Variants in PLCL2 observed in about 807,000 individuals in gnomAD.
The protein encoded by PLCL2 is phospholipase C like 2.
In PLCL2, 4 loss-of-function variants were observed where a neutral mutation model predicts 79.6. The observed-to-expected ratio is 0.05, with a 90% CI of 0.02 to 0.11. The LOEUF (loss-of-function observed/expected upper bound fraction) is 0.11. Ranked by LOEUF, PLCL2 falls within the 10% of genes least tolerant of loss-of-function variation. PLCL2 has a pLI of 1.00. For missense variants in PLCL2, 895 were observed against 1,291.0 expected, an observed-to-expected ratio of 0.69 and a Z score of 4.70; for synonymous variants, 484 against 457.7, an observed-to-expected ratio of 1.06 and a Z score of -0.73.
intron 1 of PLCL2, among the ~76,000 whole-genome samples, chr3:16,922,041 A>G (rs1697135491): frequency 6.6e-6 from 1 of 152,196 alleles, no homozygotes; most frequent in Non-Finnish European, 1.5e-5. Context: ...AACAAAAGCT[A>G]TTTTTAATCT....
chr3:17,029,013 AC>A (rs1173091719), intron 3 of PLCL2, among the ~76,000 whole-genome samples: 1 of 152,050 alleles, frequency 6.6e-6, no homozygotes, highest in African/African-American at 2.4e-5. Flanking sequence ...ATTTCCATGC[AC>A]ACAAAATGCC....
chr3:16,964,019 A>G (rs1012568686), intron 1 of PLCL2, among the ~76,000 whole-genome samples: 1 of 152,022 alleles, frequency 6.6e-6, no homozygotes, highest in African/African-American at 2.4e-5. Context: ...TTAGCAAATT[A>G]TTATTATTAT....
chr3:16,972,849 A>G (rs2063887569), intron 1 of PLCL2, among the ~76,000 whole-genome samples: 1 of 151,872 alleles, frequency 6.6e-6, no homozygotes, highest in African/African-American at 2.4e-5. Flanking sequence ...ATTTTTCTCC[A>G]TCTGTTTACT....
intron 3 of PLCL2, among the ~76,000 whole-genome samples, chr3:17,022,575 C>T (rs2064467864): frequency 6.6e-6 from 1 of 152,178 alleles, no homozygotes; most frequent in African/African-American, 2.4e-5. Flanking sequence ...ATAATATACA[C>T]AGTTCTTTTG....
chr3:16,975,622 A>G (rs2063917606), intron 1 of PLCL2, among the ~76,000 whole-genome samples: 1 of 152,002 alleles, frequency 6.6e-6, no homozygotes, highest in African/African-American at 2.4e-5. Flanking sequence ...CCCATACTGG[A>G]ATTATACCAT....
At chr3:17,023,325 G>A (rs892800482) in intron 3 of PLCL2, among the ~76,000 whole-genome samples, 5 of 152,108 alleles carry the variant, frequency 3.3e-5, no homozygotes, top group African/African-American at 4.8e-5. Flanking sequence ...TGTGATCTAC[G>A]GGTTGTTTCC....
At chr3:17,075,571 A>G (rs531935163) in intron 5 of PLCL2, among the ~76,000 whole-genome samples, 4 of 148,884 alleles carry the variant, frequency 2.7e-5, no homozygotes, top group African/African-American at 7.5e-5. Flanking sequence ...AAAATGCAGT[A>G]TCTGTGAAGT....
At chr3:16,898,459 C>G (rs1430249078) in intron 1 of PLCL2, among the ~76,000 whole-genome samples, 1 of 152,122 alleles carries the variant, frequency 6.6e-6, no homozygotes, top group Non-Finnish European at 1.5e-5. Context: ...TTAAATAGCC[C>G]TTTTGTCCTA....
intron 1 of PLCL2, among the ~76,000 whole-genome samples, chr3:16,922,743 A>C (rs1346913734): frequency 6.8e-6 from 1 of 147,454 alleles, no homozygotes; most frequent in Admixed American, 6.7e-5. Flanking sequence ...TTAAGAAAAA[A>C]TATATTAAGA....
Position 17,009,638 on chromosome 3 carries a change from A to G in PLCL2, c.328-36A>G, listed in dbSNP as rs749955181. On this transcript the variant is annotated intron_variant, in intron 1 of 5. Coordinates refer to ENST00000615277, the MANE Select transcript of PLCL2 (RefSeq NM_001144382.2). The surrounding 1 kb of genome is among the most constrained non-coding windows in gnomAD (Gnocchi z 4.0). ...ATCTTGAACATAGAAACCTATATTTATGTTATTCTAATATACGGTCTTTTT... is the reference window on the plus strand; with the variant it reads ...ATCTTGAACATAGAAACCTATATTTGTGTTATTCTAATATACGGTCTTTTT... The G allele has an allele frequency of 3.2e-5, 35 of 1,093,642 alleles. No individual in the cohort carries two copies. The highest frequency in any genetic ancestry group is 5.2e-5 in the South Asian group (3 of 57,692). The allele number at this position is 1,093,642 out of a possible 1,614,324, so 67.7% of individuals were successfully genotyped here.
intron 1 of PLCL2, among the ~76,000 whole-genome samples, chr3:16,953,521 A>T (rs2124961383): frequency 6.6e-6 from 1 of 152,268 alleles, no homozygotes; most frequent in African/African-American, 2.4e-5. Context: ...CTTGTTCTCT[A>T]AAAATCTCTT....
At chr3:17,071,368 G>T (rs2065059074) in intron 5 of PLCL2, among the ~76,000 whole-genome samples, 2 of 151,952 alleles carry the variant, frequency 1.3e-5, no homozygotes, top group South Asian at 4.2e-4. Context: ...GAACAAAGAA[G>T]AAATAAAGTC....
chr3:16,925,147 T>C (rs1056981427), intron 1 of PLCL2, among the ~76,000 whole-genome samples: 1 of 151,692 alleles, frequency 6.6e-6, no homozygotes, highest in Admixed American at 6.6e-5. Flanking sequence ...ATGGTCTCAA[T>C]CTCCTGACCT....
intron 1 of PLCL2, among the ~76,000 whole-genome samples, chr3:16,966,850 G>A (rs1046949491): frequency 6.6e-6 from 1 of 151,976 alleles, no homozygotes; most frequent in Non-Finnish European, 1.5e-5. Context: ...GGAGTTTGAT[G>A]TGCAAATTAT....
At chr3:16,903,487 C>CT (rs1436080216) in intron 1 of PLCL2, among the ~76,000 whole-genome samples, 2 of 152,172 alleles carry the variant, frequency 1.3e-5, no homozygotes, top group Non-Finnish European at 2.9e-5. Flanking sequence ...TGGAAAAATA[C>CT]TAAGAAAGCA....
intron 1 of PLCL2, among the ~76,000 whole-genome samples, chr3:16,898,284 G>A (rs956843985): frequency 6.6e-6 from 1 of 152,026 alleles, no homozygotes; most frequent in Non-Finnish European, 1.5e-5. Flanking sequence ...AATATTCTTT[G>A]GGGAGAGAAA....
Position 17,009,964 on chromosome 3 carries a change from T to C in PLCL2, c.618T>C (p.Asn206=). 6.2e-7 allele frequency: 1 copy of C among 1,614,096 alleles called. No homozygotes were observed. Among genetic ancestry groups the C allele is most frequent in the South Asian group, 1.1e-5 (1 of 91,084 alleles). ...TGKNTDIFRS[N]GISDQISEDC... is the part of the protein sequence containing the mutation. ...AAAACACAGACATATTCCGCAGCAA[T>C]GGCATTTCTGACCAGATATCTGAAG... The change falls in exon 2 of 6, where the codon AAT becomes AAC. Residue 206 remains asparagine, a synonymous_variant. Coordinates refer to ENST00000615277, the MANE Select transcript of PLCL2 (RefSeq NM_001144382.2). The surrounding 1 kb of genome is among the most constrained non-coding windows in gnomAD (Gnocchi z 4.0).
At chr3:17,023,496 C>T (rs1338756859) in intron 3 of PLCL2, among the ~76,000 whole-genome samples, 7 of 152,166 alleles carry the variant, frequency 4.6e-5, no homozygotes, top group Non-Finnish European at 7.4e-5. Context: ...CTCATGAAAC[C>T]TGATGGGTTT....
intron 4 of PLCL2, among the ~76,000 whole-genome samples, chr3:17,064,473 C>T (rs891167859): frequency 3.3e-5 from 5 of 152,186 alleles, no homozygotes; most frequent in Admixed American, 6.5e-5. Context: ...TAGCCTCTGT[C>T]TGCATTTCTT....
Sources: allele counts gnomAD v4.1 joint callset (sites outside exome capture counted in the v4.1 genomes callset), GRCh38; gene constraint gnomAD v4.1.1; non-coding constraint Gnocchi (gnomAD v3.1); transcripts MANE v1.5; gene names NCBI Gene and HGNC (gene_info 2026-07-23, HGNC 2026-07-21).